GALNT16: variants seen among roughly 807,000 people sequenced by gnomAD.
The protein encoded by GALNT16 is UDP-GalNAc:polypeptide N-acetylgalactosaminyltransferase-like protein 1.
GALNT16 carries 40 observed loss-of-function variants against 76.1 expected under a neutral mutation model. The ratio of observed to expected loss-of-function variants is 0.53; its 90% confidence interval spans 0.41 to 0.68. GALNT16 has a LOEUF of 0.68. Ranked by LOEUF, GALNT16 falls within the 30% of genes least tolerant of loss-of-function variation. The pLI, the probability that GALNT16 is intolerant of heterozygous loss-of-function variation, is 0.00. For missense variants in GALNT16, 621 were observed against 731.9 expected (o/e 0.85, Z 1.75); for synonymous variants, 276 against 285.2 (o/e 0.97, Z 0.32).
At chr14:69,323,813 T>A (rs1205164889) in intron 2 of GALNT16, among the ~76,000 whole-genome samples, 1 of 152,158 alleles carries the variant, frequency 6.6e-6, no homozygotes, top group African/African-American at 2.4e-5. Flanking sequence ...GGCTGTAAGC[T>A]GCTGTCAGTA....
chr14:69,324,568 G>A (rs1227187547), intron 2 of GALNT16, 124 bp from the exon 3 acceptor site: 3 of 537,794 alleles, frequency 5.6e-6, no homozygotes, highest in Non-Finnish European at 9.8e-6. Context: ...CTCTGGCCTG[G>A]CTGTTGGTGT....
chr14:69,267,804 G>T (rs988910060), intron 1 of GALNT16, among the ~76,000 whole-genome samples: 4 of 152,092 alleles, frequency 2.6e-5, no homozygotes, highest in Admixed American at 2.0e-4. Context: ...TTCCTCATCT[G>T]TCAGGTGAGG....
intron 1 of GALNT16, among the ~76,000 whole-genome samples, chr14:69,313,174 C>T (rs970226021): frequency 1.3e-5 from 2 of 152,228 alleles, no homozygotes; most frequent in African/African-American, 4.8e-5. Flanking sequence ...GCCCAGTCTT[C>T]CCCCCATACT....
At chr14:69,284,682 T>A (rs1287106931) in intron 1 of GALNT16, among the ~76,000 whole-genome samples, 2 of 152,178 alleles carry the variant, frequency 1.3e-5, no homozygotes, top group South Asian at 2.1e-4. Flanking sequence ...TCTGTTCTGT[T>A]TCCTCAGTCA....
rs1425807412 is a variant in GALNT16 at position 69,261,167 on chromosome 14, T to C, written c.177+700T>C. Among the ~76,000 whole-genome samples the C allele has an allele frequency of 6.6e-6, 1 of 151,790 alleles. No individual in the cohort carries two copies. The highest frequency in any genetic ancestry group is 1.5e-5 in the Non-Finnish European group (1 of 67,940). On this transcript the variant is annotated intron_variant, in intron 1 of 14. Coordinates refer to ENST00000448469, the MANE Select transcript of GALNT16 (RefSeq NM_001168368.2). This position sits in a 1 kb window ranked among gnomAD's most constrained non-coding sequence, Gnocchi z 6.4. ...GCGATACCCTTGCATGAAGTCAGCC[T>C]CGCGACATCTAAGCGGGCAGGGAAA...
intron 6 of GALNT16, among the ~76,000 whole-genome samples, chr14:69,328,812 C>G (rs894618836): frequency 2.0e-4 from 30 of 152,216 alleles, no homozygotes; most frequent in African/African-American, 7.2e-4. Context: ...GGGTGAGCTA[C>G]AAAGCTCCTG....
At chr14:69,324,830 C>A in intron 3 of GALNT16, 40 bp downstream of exon 3, 2 of 1,341,030 alleles carry the variant, frequency 1.5e-6, no homozygotes, top group Non-Finnish European at 2.1e-6. Flanking sequence ...GTGGTGCTGG[C>A]AGGGGAGGAC....
chr14:69,269,162 T>C lies in GALNT16; in HGVS notation c.177+8695T>C, dbSNP rs575317364. Among the ~76,000 whole-genome samples the C allele has an allele frequency of 2.2e-4, 33 of 152,290 alleles. 1 individual carries two copies. In the South Asian group the frequency reaches 6.6e-3, roughly 31 times the overall value. On this transcript the variant is annotated intron_variant, in intron 1 of 14. Coordinates refer to ENST00000448469, the MANE Select transcript of GALNT16 (RefSeq NM_001168368.2). ...AAGATTTTTTTCCCTCTCAGGATAA[T>C]GTGTGTGTATAAAAGCGTTGGTTCC...
chr14:69,333,402 A>G lies in GALNT16; in HGVS notation c.864-95A>G. 1.3e-6 allele frequency: 1 copy of G among 785,352 alleles called. No homozygotes were observed. The highest frequency in any genetic ancestry group is 1.4e-5 in the South Asian group (1 of 69,266). 48.6% of individuals were successfully genotyped at this position (785,352 alleles called of 1,614,324 possible). A position where few individuals can be genotyped will look rare whatever the true frequency, so the allele number is the denominator to read the frequency against. ...TGCCCCAGTGACTCTGCAGGGAGGG[A>G]TCTAGAGGCAGACGGTCTTGGGTCC... is the stretch of plus-strand genomic sequence containing the variant. On this transcript the variant is annotated intron_variant, in intron 8 of 14. Coordinates refer to ENST00000448469, the MANE Select transcript of GALNT16 (RefSeq NM_001168368.2). The surrounding 1 kb of genome is among the most constrained non-coding windows in gnomAD (Gnocchi z 4.2).
At chr14:69,349,166 C>A in intron 14 of GALNT16, 1 of 152,428 alleles carries the variant, frequency 6.6e-6, no homozygotes, top group Non-Finnish European at 1.5e-5. Context: ...ACTTTAAGCG[C>A]TTTTGGATGG....
chr14:69,273,295 G>C (rs1165254480), intron 1 of GALNT16, among the ~76,000 whole-genome samples: 1 of 152,224 alleles, frequency 6.6e-6, no homozygotes, highest in Non-Finnish European at 1.5e-5. Flanking sequence ...AAGGTAGAGG[G>C]ATTATTTCCA....
At chr14:69,358,768 A>C (rs12879303), downstream of GALNT16, 19,303 of 152,318 alleles carry the variant, frequency 0.13, 1,352 homozygotes, top group East Asian at 0.19. Flanking sequence ...AGACGGTGGA[A>C]TGCTCTCAGA....
intron 2 of GALNT16, among the ~76,000 whole-genome samples, chr14:69,323,183 G>A (rs930949886): frequency 6.6e-6 from 1 of 152,188 alleles, no homozygotes; most frequent in African/African-American, 2.4e-5. Flanking sequence ...GCCCGCTCCA[G>A]GGGAGCAAAG....
At chr14:69,265,000 A>G (rs1023082547) in intron 1 of GALNT16, among the ~76,000 whole-genome samples, 7 of 151,828 alleles carry the variant, frequency 4.6e-5, no homozygotes, top group Admixed American at 3.9e-4. Flanking sequence ...ATTTTTGTAG[A>G]GACAGGGTCT....
At chr14:69,300,417 C>T (rs551412904) in intron 1 of GALNT16, among the ~76,000 whole-genome samples, 1 of 152,332 alleles carries the variant, frequency 6.6e-6, no homozygotes, top group South Asian at 2.1e-4. Context: ...AGTGATGCTT[C>T]TGCTGCTGCC....
Position 69,352,460 on chromosome 14 carries a change from C to T in GALNT16, c.*292C>T, listed in dbSNP as rs1224507124. The T allele has an allele frequency of 8.8e-6, 3 of 339,506 alleles. No homozygotes were observed. Among genetic ancestry groups the T allele is most frequent in the African/African-American group, 6.3e-5 (3 of 47,486 alleles). The allele number at this position is 339,506 out of a possible 1,614,324, so 21.0% of individuals were successfully genotyped here. On this transcript the variant is annotated 3_prime_UTR_variant, in exon 15 of 15. Transcript: ENST00000448469. ...GGTGCCCCTGGCCCTTTGTCCTCTC[C>T]CTTGGCGCTTCTTGGGGCTGGGACA...
chr14:69,283,452 TA>T (rs1351708447), intron 1 of GALNT16, among the ~76,000 whole-genome samples: 2 of 152,194 alleles, frequency 1.3e-5, no homozygotes, highest in African/African-American at 4.8e-5. Context: ...GTTGCTAGGA[TA>T]ATGGTTTGTC....
At chr14:69,380,964 G>C in the GALNT16 span, among the ~76,000 whole-genome samples, 1 of 152,124 alleles carries the variant, frequency 6.6e-6, no homozygotes, top group Non-Finnish European at 1.5e-5. Context: ...TATTTTTATG[G>C]TTCCTTTAGT....
intron 1 of GALNT16, among the ~76,000 whole-genome samples, chr14:69,302,459 T>C (rs955809275): frequency 1.3e-5 from 2 of 152,238 alleles, no homozygotes; most frequent in African/African-American, 2.4e-5. Context: ...ATTTATGTAA[T>C]ATCTATTTTA....
Sources: allele counts gnomAD v4.1 joint callset (sites outside exome capture counted in the v4.1 genomes callset), GRCh38; gene constraint gnomAD v4.1.1; non-coding constraint Gnocchi (gnomAD v3.1); transcripts MANE v1.5; gene names NCBI Gene and HGNC (gene_info 2026-07-23, HGNC 2026-07-21).